PAQR8: variants seen among roughly 807,000 people sequenced by gnomAD.
PAQR8 encodes membrane progestin receptor beta.
Under a neutral mutation model 25.2 loss-of-function variants are expected in PAQR8, and 17 were observed. The ratio of observed to expected loss-of-function variants is 0.67; its 90% CI spans 0.46 to 1.01. The LOEUF is 1.01. PAQR8 is among the 50% of genes least tolerant of loss of function. The pLI is 0.00. For missense variants in PAQR8, 392 were observed against 448.4 expected, an observed-to-expected ratio of 0.87 and a Z score of 1.14; for synonymous variants, 204 against 190.6, an observed-to-expected ratio of 1.07 and a Z score of -0.58.
At chr6:52,382,850 G>A (rs1020898092) in intron 1 of PAQR8, among the ~76,000 whole-genome samples, 50 of 152,022 alleles carry the variant, frequency 3.3e-4, no homozygotes, top group African/African-American at 1.1e-3. Flanking sequence ...ACTAGAATGC[G>A]GTGTCACTAT....
In PAQR8 at chr6:52,403,353, G is replaced by A. The variant is rs1232150336; in HGVS notation, c.140G>A (p.Arg47Gln). 4.3e-6 allele frequency: 7 copies of A among 1,614,128 alleles called. No individual in the cohort carries two copies. Among genetic ancestry groups the A allele is most frequent in the East Asian group, 2.2e-5 (1 of 44,900 alleles). ...VPETDVPQLF[R>Q]EPYIRTGYRP... ...GAAACGGATGTGCCCCAGCTCTTCC[G>A]GGAGCCTTACATCCGCACCGGCTAC... The change falls in exon 2 of 2, where the codon CGG (arginine) becomes CAG (glutamine). Residue 47 changes from arginine to glutamine, a missense_variant. By Grantham distance (43) the Arg-to-Gln change is conservative. Coordinates refer to ENST00000442253, the MANE Select transcript of PAQR8 (RefSeq NM_133367.5).
intron 1 of PAQR8, among the ~76,000 whole-genome samples, chr6:52,400,526 A>G (rs58934617): frequency 0.13 from 20,253 of 152,226 alleles, 1,434 homozygotes; most frequent in Non-Finnish European, 0.15. Flanking sequence ...TCTGGCACCA[A>G]TGTCATAACT....
At chr6:52,381,361 A>T (rs997317022) in intron 1 of PAQR8, among the ~76,000 whole-genome samples, 4 of 152,240 alleles carry the variant, frequency 2.6e-5, no homozygotes, top group African/African-American at 9.6e-5. Context: ...TAGGCCCTAT[A>T]CTTTGGGAGG....
intron 1 of PAQR8, among the ~76,000 whole-genome samples, chr6:52,372,694 A>G (rs987081038): frequency 1.3e-5 from 2 of 151,534 alleles, no homozygotes; most frequent in Non-Finnish European, 1.5e-5. Flanking sequence ...CCATGTGCCC[A>G]TCAACCAATT....
In PAQR8 at chr6:52,404,225, G is replaced by A. The variant is rs769096577; in HGVS notation, c.1012G>A (p.Ala338Thr). Residue 338 changes from alanine to threonine, a missense_variant, in exon 2 of 2, where the codon GCA becomes ACA. Transcript: ENST00000442253. ...FFLAACSAATAALLRHKVKAR... is the reference protein window; with the variant it reads ...FFLAACSAATTALLRHKVKAR... The stretch of plus-strand genomic sequence containing the variant: ...CCTGGCTGCCTGCAGTGCTGCCACC[G>A]CAGCCCTTCTGAGGCACAAAGTCAA... 31 of 1,612,778 alleles carry A rather than the reference G, an allele frequency of 1.9e-5. No individual in the cohort carries two copies. The highest frequency in any genetic ancestry group is 8.5e-7 in the Non-Finnish European group (1 of 1,179,114).
intron 1 of PAQR8, among the ~76,000 whole-genome samples, chr6:52,369,882 G>A (rs1763397295): frequency 6.6e-6 from 1 of 152,144 alleles, no homozygotes; most frequent in African/African-American, 2.4e-5. Flanking sequence ...GAGTACTTTA[G>A]AAAGTGGAAT....
chr6:52,383,485 C>A (rs548927346), intron 1 of PAQR8, among the ~76,000 whole-genome samples: 1 of 152,008 alleles, frequency 6.6e-6, no homozygotes, highest in Admixed American at 6.5e-5. Flanking sequence ...AACGGTGAAA[C>A]CCCGTCTCTA....
At position 52,407,506 on chromosome 6, in the gene PAQR8, C is replaced by T. The variant is rs1003201892; in HGVS notation, c.*3228C>T. On this transcript the variant is annotated 3_prime_UTR_variant, in exon 2 of 2. Transcript: ENST00000442253. ...AGTTATTCCTGCCTGTGTTGCCCACCTGTTCACAAAAAGTACCTTTATGCT... is the reference window on the plus strand; with the variant it reads ...AGTTATTCCTGCCTGTGTTGCCCACTTGTTCACAAAAAGTACCTTTATGCT... 1.2e-5 allele frequency: 2 copies of T among 166,798 alleles called. No individual in the cohort carries two copies. The highest frequency in any genetic ancestry group is 4.8e-5 in the African/African-American group (2 of 41,384). 10.3% of individuals were successfully genotyped at this position (166,798 alleles called of 1,614,324 possible). A position where few individuals can be genotyped will look rare whatever the true frequency, so the allele number is the denominator to read the frequency against.
chr6:52,387,012 C>T (rs9382104), intron 1 of PAQR8, among the ~76,000 whole-genome samples: 27,228 of 152,110 alleles, frequency 0.18, 2,658 homozygotes, highest in Non-Finnish European at 0.22. Context: ...TATGGAATAA[C>T]TAATGATTTT....
intron 1 of PAQR8, among the ~76,000 whole-genome samples, chr6:52,380,048 AC>A (rs1457081272): frequency 1.3e-5 from 2 of 152,232 alleles, no homozygotes; most frequent in African/African-American, 4.8e-5. Flanking sequence ...GGCGTGAGCC[AC>A]CCGACCCGGC....
chr6:52,402,632 A>AAAAAAAG (rs1763848568), intron 1 of PAQR8, among the ~76,000 whole-genome samples: 1 of 115,248 alleles, frequency 8.7e-6, no homozygotes, highest in South Asian at 2.5e-4. Flanking sequence ...AAAAAAAAAA[A>AAAAAAAG]AAAGAAAGAA....
chr6:52,387,689 G>C (rs940550622), intron 1 of PAQR8, among the ~76,000 whole-genome samples: 6 of 152,208 alleles, frequency 3.9e-5, no homozygotes, highest in African/African-American at 1.4e-4. Flanking sequence ...GCCGTTAGGA[G>C]GTGATCACCT....
At position 52,367,089 on chromosome 6, in the gene PAQR8, C is replaced by T. The variant is rs573119082; in HGVS notation, c.-53+4840C>T. Among the ~76,000 whole-genome samples the T allele has an allele frequency of 5.3e-5, 8 of 152,168 alleles. No homozygotes were observed. In the South Asian group the frequency reaches 1.5e-3, roughly 28 times the overall value. ...GGGAGAAGTGGGTGGTGAATTTGCCCCTTTCCCCCAGAGGATGAAATTTGG... is the reference window on the plus strand; with the variant it reads ...GGGAGAAGTGGGTGGTGAATTTGCCTCTTTCCCCCAGAGGATGAAATTTGG... On this transcript the variant is annotated intron_variant, in intron 1 of 1. Coordinates refer to ENST00000442253, the MANE Select transcript of PAQR8 (RefSeq NM_133367.5).
intron 1 of PAQR8, among the ~76,000 whole-genome samples, chr6:52,372,988 G>A (rs1221152992): frequency 6.6e-6 from 1 of 152,098 alleles, no homozygotes; most frequent in Non-Finnish European, 1.5e-5. Context: ...ACGGAGTCAG[G>A]ATTCAAATCC....
chr6:52,403,259 G>A lies in PAQR8; in HGVS notation c.46G>A (p.Gly16Arg), dbSNP rs758342978. The A allele has an allele frequency of 3.1e-6, 5 of 1,610,824 alleles. No individual in the cohort carries two copies. The highest frequency in any genetic ancestry group is 3.4e-6 in the Non-Finnish European group (4 of 1,177,736). ...GCGCCTGAGCACCCTGTCGGTCAGC[G>A]GGCAGCAGCTGCGCCGCCTGCCCAA... ...LERLSTLSVSGQQLRRLPKIL... is the reference protein window; with the variant it reads ...LERLSTLSVSRQQLRRLPKIL... The change falls in exon 2 of 2, where the codon GGG (glycine) becomes AGG (arginine). Residue 16 changes from glycine (G) to arginine (R), a missense_variant. Gly to Arg is a moderately radical substitution (Grantham distance 125). Coordinates refer to ENST00000442253, the MANE Select transcript of PAQR8 (RefSeq NM_133367.5).
Position 52,404,505 on chromosome 6 carries a change from G to A in PAQR8, c.*227G>A, listed in dbSNP as rs1026012577. 6.4e-6 allele frequency: 3 copies of A among 471,142 alleles called. No homozygotes were observed. Among genetic ancestry groups the A allele is most frequent in the Non-Finnish European group, 1.2e-5 (3 of 258,242 alleles). The allele number at this position is 471,142 out of a possible 1,614,324, so 29.2% of individuals were successfully genotyped here. ...CATAGCTTAACAAGGCACAGGAAGG[G>A]AAGGGATCTTGACTAAGATTCATGA... On this transcript the variant is annotated 3_prime_UTR_variant, in exon 2 of 2. Coordinates refer to ENST00000442253, the MANE Select transcript of PAQR8 (RefSeq NM_133367.5).
intron 1 of PAQR8, among the ~76,000 whole-genome samples, chr6:52,366,840 C>T (rs1277357194): frequency 6.6e-6 from 1 of 152,100 alleles, no homozygotes; most frequent in Non-Finnish European, 1.5e-5. Flanking sequence ...ACCTCCATCT[C>T]CTGGGTTCAA....
Position 52,403,906 on chromosome 6 carries a change from T to C in PAQR8, c.693T>C (p.Arg231=). 1 of 1,614,252 alleles carries C rather than the reference T, an allele frequency of 6.2e-7. No homozygotes were observed. Among genetic ancestry groups the C allele is most frequent in the South Asian group, 1.1e-5 (1 of 91,090 alleles). The change falls in exon 2 of 2, where the codon CGT becomes CGC. Residue 231 remains arginine (R), a synonymous_variant. Coordinates refer to ENST00000442253, the MANE Select transcript of PAQR8 (RefSeq NM_133367.5). ...FILDISPVAH[R]VALCHLAGCQ... ...TAGACATCAGCCCTGTGGCACACCG[T>C]GTGGCGCTCTGTCACCTGGCTGGCT... is the stretch of plus-strand genomic sequence containing the variant.
intron 1 of PAQR8, among the ~76,000 whole-genome samples, chr6:52,366,275 T>C (rs1160161099): frequency 6.6e-6 from 1 of 152,196 alleles, no homozygotes; most frequent in Non-Finnish European, 1.5e-5. Flanking sequence ...ATGTTGACCA[T>C]TTAGTGAGAA....
Sources: gnomAD v4.1 joint callset for allele counts (sites outside exome capture counted in the v4.1 genomes callset) on GRCh38, gnomAD v4.1.1 for gene constraint, MANE v1.5 for transcripts, NCBI Gene and HGNC (gene_info 2026-07-23, HGNC 2026-07-21) for gene names.